Variants in CECR2 observed in about 807,000 individuals in gnomAD.
The protein encoded by CECR2 is CECR2 histone acetyl-lysine reader.
A neutral mutation model predicts 154.5 loss-of-function variants in CECR2; 30 were observed. That is an observed-to-expected ratio of 0.19 (90% CI 0.15 to 0.26). The LOEUF is 0.26. Among genes scored for constraint, CECR2 ranks in the 10% least tolerant of loss-of-function variants. The probability of loss-of-function intolerance (pLI) is 1.00; values close to 1 mark genes in which losing one functional copy is unlikely to be tolerated. For synonymous variants in CECR2, 725 were observed against 683.7 expected (o/e 1.06, Z -0.94); for missense variants, 1,743 against 1,829.3 (o/e 0.95, Z 0.86).
chr22:17,527,282 A>G (rs2056281377), intron 9 of CECR2, among the ~76,000 whole-genome samples: 1 of 151,684 alleles, frequency 6.6e-6, no homozygotes, highest in Non-Finnish European at 1.5e-5. Context: ...ACACGGTAAA[A>G]CCCCATCTCT....
intron 1 of CECR2, among the ~76,000 whole-genome samples, chr22:17,376,678 G>A (rs1477279061): frequency 1.3e-4 from 19 of 149,130 alleles, no homozygotes; most frequent in Non-Finnish European, 2.2e-4. Flanking sequence ...TTGCTTTGTC[G>A]CCCAGGCTGG....
At chr22:17,477,119 G>T (rs1294800512) in intron 1 of CECR2, 1 of 725,124 alleles carries the variant, frequency 1.4e-6, no homozygotes, top group Admixed American at 1.9e-5. Flanking sequence ...AAAATACAGT[G>T]GTTCTTTAAA....
At chr22:17,444,423 C>T (rs5747148) in intron 1 of CECR2, among the ~76,000 whole-genome samples, 43,145 of 151,922 alleles carry the variant, frequency 0.28, 8,484 homozygotes, top group East Asian at 0.54. Flanking sequence ...GGTCAGGAGT[C>T]CGAGACCAGC....
chr22:17,456,373 G>A (rs1222092004), intron 1 of CECR2, among the ~76,000 whole-genome samples: 2 of 152,006 alleles, frequency 1.3e-5, no homozygotes, highest in South Asian at 2.1e-4. Flanking sequence ...TCTTCTAAGA[G>A]GTGAAAAGGC....
chr22:17,435,785 G>C (rs1377428589), intron 1 of CECR2, among the ~76,000 whole-genome samples: 1 of 150,438 alleles, frequency 6.6e-6, no homozygotes, highest in Non-Finnish European at 1.5e-5. Flanking sequence ...CTTATACAGT[G>C]TCTCTCTGGC....
intron 1 of CECR2, among the ~76,000 whole-genome samples, chr22:17,391,577 C>T (rs2063326335): frequency 6.6e-6 from 1 of 152,188 alleles, no homozygotes; most frequent in African/African-American, 2.4e-5. Flanking sequence ...ATGTGAGGGC[C>T]TGGCCCAAAT....
At chr22:17,533,785 C>T (rs918594988) in intron 9 of CECR2, among the ~76,000 whole-genome samples, 5 of 150,908 alleles carry the variant, frequency 3.3e-5, no homozygotes, top group East Asian at 2.0e-4. Context: ...GGTGTGATCT[C>T]GGCTCACCGC....
chr22:17,506,487 C>G (rs369370677), intron 7 of CECR2, among the ~76,000 whole-genome samples: 1 of 152,196 alleles, frequency 6.6e-6, no homozygotes, highest in South Asian at 2.1e-4. Flanking sequence ...TTAAATGTCA[C>G]TACGTCCATG....
At chr22:17,469,844 C>T (rs566793483) in intron 1 of CECR2, among the ~76,000 whole-genome samples, 10 of 152,344 alleles carry the variant, frequency 6.6e-5, no homozygotes, top group Middle Eastern at 3.4e-3. Flanking sequence ...TCAGCTATTG[C>T]TGTCCTCATA....
intron 1 of CECR2, among the ~76,000 whole-genome samples, chr22:17,446,822 A>G (rs763942646): frequency 2.3e-4 from 35 of 152,142 alleles, no homozygotes; most frequent in Non-Finnish European, 4.4e-4. Flanking sequence ...GGATGCGAGC[A>G]GGTTGCCGCT....
At chr22:17,487,410 T>A (rs2055440235) in intron 2 of CECR2, among the ~76,000 whole-genome samples, 1 of 152,158 alleles carries the variant, frequency 6.6e-6, no homozygotes. Flanking sequence ...GTAAAAATAT[T>A]TTTCATTGGT....
intron 16 of CECR2, among the ~76,000 whole-genome samples, chr22:17,546,612 AG>A (rs1361288277): frequency 6.6e-6 from 1 of 152,132 alleles, no homozygotes; most frequent in Non-Finnish European, 1.5e-5. Flanking sequence ...CTTTAGGGCC[AG>A]CTTCAAGTAG....
intron 1 of CECR2, among the ~76,000 whole-genome samples, chr22:17,451,851 C>T (rs2054776358): frequency 6.6e-6 from 1 of 152,154 alleles, no homozygotes; most frequent in Non-Finnish European, 1.5e-5. Flanking sequence ...CTATTTTTTA[C>T]TTCAAAGAAA....
At chr22:17,504,218 A>G (rs1049642418) in intron 6 of CECR2, among the ~76,000 whole-genome samples, 2 of 151,694 alleles carry the variant, frequency 1.3e-5, no homozygotes, top group Non-Finnish European at 2.9e-5. Context: ...CGAAAAATAC[A>G]AAAGTTTAGC....
upstream of CECR2, among the ~76,000 whole-genome samples, chr22:17,368,224 C>A (rs2063013893): frequency 1.3e-5 from 2 of 152,134 alleles, no homozygotes; most frequent in Admixed American, 1.3e-4. Context: ...ATTCCAAAAT[C>A]TATCATATAA....
chr22:17,504,523 G>A (rs1376492951), intron 6 of CECR2, among the ~76,000 whole-genome samples: 3 of 151,682 alleles, frequency 2.0e-5, no homozygotes, highest in Non-Finnish European at 4.4e-5. Context: ...TGCAAGCTCC[G>A]CCTCCCGGGT....
intron 1 of CECR2, among the ~76,000 whole-genome samples, chr22:17,398,105 GGT>G (rs752219935): frequency 6.6e-6 from 1 of 151,650 alleles, no homozygotes; most frequent in Non-Finnish European, 1.5e-5. Context: ...TATATTTCAT[GGT>G]ATGTCTGCTT....
chr22:17,549,752 C>T (rs967350159), intron 17 of CECR2, among the ~76,000 whole-genome samples, 188 bp downstream of exon 17: 2 of 150,140 alleles, frequency 1.3e-5, no homozygotes, highest in Non-Finnish European at 1.5e-5. Flanking sequence ...ACTGGGACTA[C>T]ACACATGCCA....
chr22:17,499,288 G>A (rs1045424669), intron 3 of CECR2, 122 bp from the exon 4 acceptor site: 25 of 1,233,098 alleles, frequency 2.0e-5, no homozygotes, highest in South Asian at 4.4e-5. Flanking sequence ...CACGCCCAGC[G>A]ATACTTGGGC....
Sources: gnomAD v4.1 joint callset for allele counts (sites outside exome capture counted in the v4.1 genomes callset) on GRCh38, gnomAD v4.1.1 for gene constraint, MANE v1.5 for transcripts, NCBI Gene and HGNC (gene_info 2026-07-23, HGNC 2026-07-21) for gene names.